Variants in LRP6 observed in about 807,000 individuals in gnomAD.
LRP6 encodes the protein low-density lipoprotein receptor-related protein 6.
LRP6 carries 43 observed loss-of-function variants against 184.1 expected under a neutral mutation model. That is an observed-to-expected ratio of 0.23 (90% CI 0.18 to 0.30). The LOEUF (loss-of-function observed/expected upper bound fraction) is 0.30. LRP6 is among the 10% of genes least tolerant of loss of function. LRP6 has a pLI of 1.00. For missense variants in LRP6, 1,571 were observed against 2,005.3 expected (o/e 0.78, Z 4.14); for synonymous variants, 719 against 684.9 (o/e 1.05, Z -0.78).
Position 12,250,141 on chromosome 12 carries a change from CTTTCAG to C in LRP6, c.56-5492_56-5487del, listed in dbSNP as rs898279182. ...CCCCTTTCCTTTTCTACTTCTAATA[CTTTCAG>C]TTTAGCCAACTCAAAAGCCATTCTG... On this transcript the variant is annotated intron_variant, in intron 1 of 22. Coordinates refer to ENST00000261349, the MANE Select transcript of LRP6 (RefSeq NM_002336.3). Among the ~76,000 whole-genome samples the C allele has an allele frequency of 1.4e-3, 216 of 150,908 alleles. 1 individual carries two copies. Among genetic ancestry groups the C allele is most frequent in the African/African-American group, 5.2e-3 (210 of 40,180 alleles).
chr12:12,209,805 C>A (rs942255943), intron 2 of LRP6, among the ~76,000 whole-genome samples: 1 of 152,014 alleles, frequency 6.6e-6, no homozygotes, highest in East Asian at 1.9e-4. Flanking sequence ...ATAAGCAAGG[C>A]AAAACTATTG....
intron 22 of LRP6, 32 bp from the exon 23 acceptor site, chr12:12,121,452 T>TAA (rs766320826): frequency 1.2e-6 from 2 of 1,604,664 alleles, no homozygotes; most frequent in African/African-American, 2.7e-5. Context: ...GAGAAGCAGT[T>TAA]AGTTTTACAA....
chr12:12,139,985 G>A (rs1297490459), intron 15 of LRP6, among the ~76,000 whole-genome samples: 1 of 152,044 alleles, frequency 6.6e-6, no homozygotes, highest in Non-Finnish European at 1.5e-5. Flanking sequence ...ATGTGGCTGG[G>A]GCTGAAAGAG....
intron 2 of LRP6, among the ~76,000 whole-genome samples, chr12:12,221,251 A>G (rs755092799): frequency 1.3e-5 from 2 of 152,242 alleles, no homozygotes; most frequent in Non-Finnish European, 2.9e-5. Context: ...TATTTATATC[A>G]CCATAAACAA....
intron 3 of LRP6, among the ~76,000 whole-genome samples, chr12:12,190,245 C>T (rs1863577587): frequency 6.6e-6 from 1 of 152,156 alleles, no homozygotes; most frequent in Admixed American, 6.5e-5. Flanking sequence ...GTAAGCCTAC[C>T]TCCTGATCCC....
chr12:12,228,719 G>C (rs563841780), intron 2 of LRP6, among the ~76,000 whole-genome samples: 1 of 152,334 alleles, frequency 6.6e-6, no homozygotes, highest in East Asian at 1.9e-4. Flanking sequence ...CTCCATTTGT[G>C]CATCTAATGC....
intron 7 of LRP6, among the ~76,000 whole-genome samples, chr12:12,168,108 C>T (rs375553849): frequency 6.6e-6 from 1 of 152,128 alleles, no homozygotes. Context: ...CTCTGCCAGA[C>T]CCCTAACTCA....
chr12:12,257,968 C>CAA (rs1172116150), intron 1 of LRP6, among the ~76,000 whole-genome samples: 161 of 65,284 alleles, frequency 2.5e-3, no homozygotes, highest in African/African-American at 8.2e-3. Context: ...GACCCTGTCT[C>CAA]AAAAAAAAAA....
At chr12:12,181,493 C>T (rs1448684840) in intron 5 of LRP6, 54 bp from the exon 6 acceptor site, 1 of 860,218 alleles carries the variant, frequency 1.2e-6, no homozygotes. Context: ...GTAAAATTTA[C>T]CTGCTCTAGA....
chr12:12,182,420 A>C (rs956343866), intron 5 of LRP6, among the ~76,000 whole-genome samples: 2 of 117,090 alleles, frequency 1.7e-5, no homozygotes, highest in African/African-American at 5.6e-5. Flanking sequence ...ACTGAGCTCA[A>C]TCTTTTTTTC....
intron 2 of LRP6, among the ~76,000 whole-genome samples, chr12:12,240,459 C>A (rs929540325): frequency 6.6e-6 from 1 of 152,064 alleles, no homozygotes; most frequent in African/African-American, 2.4e-5. Context: ...GTAGTCCCAG[C>A]TACTCGGGAG....
intron 2 of LRP6, among the ~76,000 whole-genome samples, chr12:12,204,691 G>A (rs1864006623): frequency 1.3e-5 from 2 of 151,906 alleles, no homozygotes; most frequent in Non-Finnish European, 2.9e-5. Context: ...GGGAGGTCGA[G>A]GCACCTGTAA....
At chr12:12,171,247 T>G (rs571435632) in intron 7 of LRP6, among the ~76,000 whole-genome samples, 1 of 152,314 alleles carries the variant, frequency 6.6e-6, no homozygotes, top group South Asian at 2.1e-4. Context: ...CCGAGCGCGG[T>G]GGCTCACGCC....
chr12:12,215,252 G>A (rs1864311001), intron 2 of LRP6, among the ~76,000 whole-genome samples: 1 of 152,002 alleles, frequency 6.6e-6, no homozygotes, highest in Non-Finnish European at 1.5e-5. Context: ...GAGGAGGGAA[G>A]GACATCACAG....
chr12:12,190,288 T>C (rs1334959453), intron 3 of LRP6, among the ~76,000 whole-genome samples: 1 of 151,978 alleles, frequency 6.6e-6, no homozygotes, highest in Admixed American at 6.5e-5. Context: ...CAAGGAGGAG[T>C]TGATCATGGC....
intron 1 of LRP6, among the ~76,000 whole-genome samples, chr12:12,262,536 C>T (rs1006207261): frequency 1.3e-4 from 19 of 145,664 alleles, no homozygotes; most frequent in Non-Finnish European, 2.2e-4. Context: ...TCAGCCTGAG[C>T]GACAGAGCGA....
chr12:12,210,952 C>T (rs1864193426), intron 2 of LRP6: 1 of 152,062 alleles, frequency 6.6e-6, no homozygotes, highest in African/African-American at 2.4e-5. Flanking sequence ...TTTCTGCTTC[C>T]TAATAGAAGT....
chr12:12,230,909 G>A (rs550835185), intron 2 of LRP6, among the ~76,000 whole-genome samples: 6 of 152,068 alleles, frequency 3.9e-5, no homozygotes, highest in African/African-American at 9.6e-5. Context: ...ATGGCCAGGC[G>A]CAGTGGCTCA....
intron 12 of LRP6, among the ~76,000 whole-genome samples, chr12:12,151,334 T>C (rs1190515239): frequency 6.6e-6 from 1 of 151,946 alleles, no homozygotes; most frequent in Non-Finnish European, 1.5e-5. Context: ...ATCAGGTATT[T>C]GATATACAAA....
Sources: gnomAD v4.1 joint callset for allele counts (sites outside exome capture counted in the v4.1 genomes callset) on GRCh38, gnomAD v4.1.1 for gene constraint, MANE v1.5 for transcripts, NCBI Gene and HGNC (gene_info 2026-07-23, HGNC 2026-07-21) for gene names.